The following TPH1 variants were observed in gnomAD, a reference collection of about 807,000 sequenced individuals.
The protein encoded by TPH1 is tryptophan 5-hydroxylase 1.
In TPH1, 37 loss-of-function variants were observed where a neutral mutation model predicts 49.5. The observed-to-expected ratio is 0.75, with a 90% CI of 0.58 to 0.98. The LOEUF (loss-of-function observed/expected upper bound fraction) is 0.98. Among genes scored for constraint, TPH1 ranks in the 50% least tolerant of loss-of-function variants. TPH1 has a pLI of 0.00. For missense variants in TPH1, 487 were observed against 523.6 expected (o/e 0.93, Z 0.68); for synonymous variants, 160 against 182.1 (o/e 0.88, Z 0.98).
chr11:18,042,379 T>C (rs1194625439), intron 1 of TPH1: 1 of 454,548 alleles, frequency 2.2e-6, no homozygotes, highest in African/African-American at 2.0e-5. Context: ...CAATTACCAC[T>C]CAAAGATTGA....
Position 18,040,929 on chromosome 11 carries a change from C to A in TPH1, c.-26-141G>T, listed in dbSNP as rs1409219215. On this transcript the variant is annotated intron_variant, in intron 1 of 10. Coordinates refer to ENST00000682019, the MANE Select transcript of TPH1 (RefSeq NM_004179.3). ...AACCTGGATATGCAGATAAGCTTTG[C>A]AAGAATCTAGTGAGACCAAAATAAG... The A allele has an allele frequency of 1.6e-5, 12 of 772,490 alleles. 1 individual carries two copies. Among genetic ancestry groups the A allele is most frequent in the Non-Finnish European group, 2.0e-6 (1 of 501,908 alleles). 47.9% of individuals were successfully genotyped at this position (772,490 alleles called of 1,614,324 possible).
chr11:18,040,200 G>A (rs1193958547), intron 2 of TPH1, among the ~76,000 whole-genome samples: 1 of 148,534 alleles, frequency 6.7e-6, no homozygotes, highest in African/African-American at 2.4e-5. Flanking sequence ...GTAGCTATTT[G>A]TATCTCCTCT....
intron 3 of TPH1, among the ~76,000 whole-genome samples, chr11:18,034,011 G>A (rs1848019906): frequency 6.6e-6 from 1 of 152,124 alleles, no homozygotes; most frequent in African/African-American, 2.4e-5. Context: ...TGTAGGTACA[G>A]CTAATTATCT....
At chr11:18,043,729 A>T (rs1185144448) in intron 1 of TPH1, among the ~76,000 whole-genome samples, 2 of 152,086 alleles carry the variant, frequency 1.3e-5, no homozygotes, top group Non-Finnish European at 2.9e-5. Context: ...AGCTGGGCAT[A>T]GTGGCTTTCA....
chr11:18,023,763 G>T, intron 9 of TPH1, 125 bp downstream of exon 9: 1 of 694,834 alleles, frequency 1.4e-6, no homozygotes, highest in Non-Finnish European at 2.6e-6. Context: ...ATACATTCAG[G>T]TAATGATTAG....
chr11:18,036,230 C>A lies in TPH1; in HGVS notation c.118-88G>T, dbSNP rs1590266547. 4.2e-6 allele frequency: 4 copies of A among 963,716 alleles called. No homozygotes were observed. The East Asian group carries it at 1.0e-4, about 24-fold the overall frequency. The allele number at this position is 963,716 out of a possible 1,614,324, so 59.7% of individuals were successfully genotyped here. On this transcript the variant is annotated intron_variant, in intron 2 of 10. Coordinates refer to ENST00000682019, the MANE Select transcript of TPH1 (RefSeq NM_004179.3). ...GGCTACTTTAATTACCACTAAAAATCAGATTCACACTTCTCAGAACAGCAA... is the reference window on the plus strand; with the variant it reads ...GGCTACTTTAATTACCACTAAAAATAAGATTCACACTTCTCAGAACAGCAA...
chr11:18,046,191 A>G (rs1848139407), intron 1 of TPH1, among the ~76,000 whole-genome samples, 50 bp downstream of exon 1: 1 of 152,184 alleles, frequency 6.6e-6, no homozygotes, highest in Admixed American at 6.5e-5. Flanking sequence ...AGCGCCGCCA[A>G]AGCCTCGACG....
intron 4 of TPH1, among the ~76,000 whole-genome samples, chr11:18,032,214 A>T (rs1847997352): frequency 6.6e-6 from 1 of 151,778 alleles, no homozygotes; most frequent in African/African-American, 2.4e-5. Flanking sequence ...TAATTCTCCA[A>T]CTCTTGCCTG....
At chr11:18,035,228 T>C (rs918366001) in intron 3 of TPH1, among the ~76,000 whole-genome samples, 1 of 152,236 alleles carries the variant, frequency 6.6e-6, no homozygotes, top group Non-Finnish European at 1.5e-5. Flanking sequence ...ATCTGCTAGA[T>C]GACAAGTCTT....
In TPH1 at chr11:18,021,157, G is replaced by A. The variant is rs778129843; in HGVS notation, c.1169C>T (p.Thr390Ile). 2 of 1,613,614 alleles carry A rather than the reference G, an allele frequency of 1.2e-6. No homozygotes were observed. The highest frequency in any genetic ancestry group is 2.2e-5 in the South Asian group (2 of 91,068). ...TCCAAATGGACGCTTAATTGTTTTG[G>A]TAAATTCTCTATTTAAGAAAACAAA... ...EDAKEKMREFTKTIKRPFGVK... is the reference protein window; with the variant it reads ...EDAKEKMREFIKTIKRPFGVK... The change falls in exon 11 of 11, where the codon ACC (threonine) becomes ATC (isoleucine). Residue 390 changes from threonine (T) to isoleucine (I), a missense_variant. Coordinates refer to ENST00000682019, the MANE Select transcript of TPH1 (RefSeq NM_004179.3).
In TPH1 at chr11:18,018,665, CAAAAAAAAAAAAAAAAAAAAAAA is replaced by C. The variant is rs57390279; in HGVS notation, c.*2303_*2325del. ...TGGGCGACAGAGCAAGACTCCGTCT[CAAAAAAAAAAAAAAAAAAAAAAA>C]AAAAAAAAAAAAAAAAAAAATTCCA... On this transcript the variant is annotated 3_prime_UTR_variant, in exon 11 of 11. Coordinates refer to ENST00000682019, the MANE Select transcript of TPH1 (RefSeq NM_004179.3). The C allele has an allele frequency of 9.2e-4, 34 of 37,042 alleles. No homozygotes were observed. Among genetic ancestry groups the C allele is most frequent in the South Asian group, 3.4e-3 (2 of 588 alleles). The allele number at this position is 37,042 out of a possible 1,614,324, so 2.3% of individuals were successfully genotyped here.
Position 18,017,691 on chromosome 11 carries a change from A to T in TPH1, c.*3300T>A, listed in dbSNP as rs1454645641. 6.6e-6 allele frequency: 1 copy of T among 152,192 alleles called. No homozygotes were observed. The highest frequency in any genetic ancestry group is 1.9e-4 in the East Asian group (1 of 5,194). 9.4% of individuals were successfully genotyped at this position (152,192 alleles called of 1,614,324 possible). A position where few individuals can be genotyped will look rare whatever the true frequency, so the allele number is the denominator to read the frequency against. On this transcript the variant is annotated 3_prime_UTR_variant, in exon 11 of 11. Transcript: ENST00000682019. ...CCTTAAACACTTCCTATGAATTAAC[A>T]TATGGACTCTATCATATGTTCCTTT...
rs1055151924 is a variant in TPH1 at position 18,019,547 on chromosome 11, T to C, written c.*1444A>G. 3 of 429,484 alleles carry C rather than the reference T, an allele frequency of 7.0e-6. No individual in the cohort carries two copies. The highest frequency in any genetic ancestry group is 6.1e-5 in the African/African-American group (3 of 48,992). The allele number at this position is 429,484 out of a possible 1,614,324, so 26.6% of individuals were successfully genotyped here. ...TGGCCTAAATTATGAGACATCTACATAGACATCCAGGAGTTCGTTGGAATT... is the reference window on the plus strand; with the variant it reads ...TGGCCTAAATTATGAGACATCTACACAGACATCCAGGAGTTCGTTGGAATT... On this transcript the variant is annotated 3_prime_UTR_variant, in exon 11 of 11. Transcript: ENST00000682019.
In TPH1 at chr11:18,019,965, G is replaced by T; in HGVS notation, c.*1026C>A. On this transcript the variant is annotated 3_prime_UTR_variant, in exon 11 of 11. Coordinates refer to ENST00000682019, the MANE Select transcript of TPH1 (RefSeq NM_004179.3). ...CTTTTCTGCAGCCTCTACTCTCATTGCATACCTTTCTGTTTATGGCCTCAC... is the reference window on the plus strand; with the variant it reads ...CTTTTCTGCAGCCTCTACTCTCATTTCATACCTTTCTGTTTATGGCCTCAC... The T allele has an allele frequency of 3.0e-6, 1 of 334,648 alleles. No individual in the cohort carries two copies. Among genetic ancestry groups the T allele is most frequent in the Non-Finnish European group, 5.8e-6 (1 of 171,034 alleles). The allele number at this position is 334,648 out of a possible 1,614,324, so 20.7% of individuals were successfully genotyped here.
Position 18,022,892 on chromosome 11 carries a change from G to A in TPH1, c.1066C>T (p.Pro356Ser). Reference sequence around the variant, plus strand: ...CATTCCTGTTTGCAGGTAATCTTGGGATCAAAGGGCTTTACTTTGGCATGT... The same window carrying A: ...CATTCCTGTTTGCAGGTAATCTTGGAATCAAAGGGCTTTACTTTGGCATGT... ...SGHAKVKPFD[P>S]KITCKQECLI... Residue 356 changes from proline to serine, a missense_variant, in exon 10 of 11, where the codon CCC becomes TCC. Physicochemically the swap from Pro to Ser is moderately conservative, Grantham distance 74. Transcript: ENST00000682019. The A allele has an allele frequency of 6.2e-7, 1 of 1,613,596 alleles. No homozygotes were observed. The highest frequency in any genetic ancestry group is 8.5e-7 in the Non-Finnish European group (1 of 1,179,640).
At chr11:18,033,062 GGCCAA>G (rs1848007846) in intron 4 of TPH1, among the ~76,000 whole-genome samples, 2 of 152,098 alleles carry the variant, frequency 1.3e-5, no homozygotes, top group African/African-American at 4.8e-5. Context: ...AGACCAGCCT[GGCCAA>G]CATGGTGAAA....
intron 2 of TPH1, among the ~76,000 whole-genome samples, chr11:18,037,357 CA>C (rs149722166): frequency 0.38 from 49,696 of 132,220 alleles, 8,868 homozygotes; most frequent in East Asian, 0.52. Context: ...GACCCTTTCT[CA>C]AAAAAAAAAA....
chr11:18,035,076 C>T (rs903865545), intron 3 of TPH1, among the ~76,000 whole-genome samples: 2 of 152,248 alleles, frequency 1.3e-5, no homozygotes, highest in African/African-American at 2.4e-5. Context: ...CGGTAAGGAT[C>T]GCCGGGCCTG....
At chr11:18,040,472 A>G (rs1462118028) in intron 2 of TPH1, among the ~76,000 whole-genome samples, 174 bp downstream of exon 2, 1 of 151,548 alleles carries the variant, frequency 6.6e-6, no homozygotes, top group East Asian at 1.9e-4. Context: ...GACTGAAGCA[A>G]TCCTCCCACC....
Sources: allele counts gnomAD v4.1 joint callset (sites outside exome capture counted in the v4.1 genomes callset), GRCh38; gene constraint gnomAD v4.1.1; transcripts MANE v1.5; gene names NCBI Gene and HGNC (gene_info 2026-07-23, HGNC 2026-07-21).